The following CDH8 variants were observed in gnomAD, a reference collection of about 807,000 sequenced individuals.
CDH8 encodes the protein cadherin 8, also known as cadherin-8.
A neutral mutation model predicts 68.1 loss-of-function variants in CDH8; 17 were observed. The ratio of observed to expected loss-of-function variants is 0.25; its 90% CI spans 0.17 to 0.37. The LOEUF (loss-of-function observed/expected upper bound fraction) is 0.37. Among genes scored for constraint, CDH8 ranks in the 10% least tolerant of loss-of-function variants. The pLI is 1.00. For missense variants in CDH8, 763 were observed against 999.3 expected (o/e 0.76, Z 3.19); for synonymous variants, 372 against 365.1 (o/e 1.02, Z -0.21).
At chr16:61,917,126 G>A (rs1964252241) in intron 2 of CDH8, among the ~76,000 whole-genome samples, 1 of 150,482 alleles carries the variant, frequency 6.6e-6, no homozygotes, top group African/African-American at 2.4e-5. Context: ...GTCCTTGCAA[G>A]TTGGGAGTAG....
At chr16:61,696,497 T>C (rs1372422828) in intron 10 of CDH8, among the ~76,000 whole-genome samples, 2 of 152,232 alleles carry the variant, frequency 1.3e-5, no homozygotes, top group Admixed American at 6.5e-5. Flanking sequence ...GGAACACTTA[T>C]ATTCTGTTTG....
chr16:61,811,041 A>G (rs1046377892), intron 7 of CDH8, among the ~76,000 whole-genome samples: 11 of 151,446 alleles, frequency 7.3e-5, no homozygotes, highest in Admixed American at 1.3e-4. Context: ...AAAAAAAAAA[A>G]AAGAAGACTA....
At chr16:61,878,614 T>C (rs1427389216) in intron 3 of CDH8, among the ~76,000 whole-genome samples, 1 of 152,200 alleles carries the variant, frequency 6.6e-6, no homozygotes, top group Non-Finnish European at 1.5e-5. Context: ...ATGATGATGA[T>C]AATGATGTTG....
At chr16:61,891,616 C>G (rs1199868450) in intron 3 of CDH8, among the ~76,000 whole-genome samples, 1 of 152,128 alleles carries the variant, frequency 6.6e-6, no homozygotes, top group East Asian at 1.9e-4. Context: ...CTACATATCT[C>G]TAATAGAAGT....
At chr16:61,752,292 T>C (rs1193094393) in intron 8 of CDH8, among the ~76,000 whole-genome samples, 2 of 152,170 alleles carry the variant, frequency 1.3e-5, no homozygotes, top group Non-Finnish European at 2.9e-5. Context: ...AGGGCATGGT[T>C]AATGTCTTGA....
At chr16:61,955,805 A>G (rs774282914) in intron 2 of CDH8, among the ~76,000 whole-genome samples, 1 of 152,134 alleles carries the variant, frequency 6.6e-6, no homozygotes, top group Non-Finnish European at 1.5e-5. Flanking sequence ...GCTTCTGGAA[A>G]ATTCAAAACT....
chr16:61,987,137 T>C (rs548209983), intron 2 of CDH8, among the ~76,000 whole-genome samples: 1 of 152,322 alleles, frequency 6.6e-6, no homozygotes, highest in East Asian at 1.9e-4. Flanking sequence ...TACAGGAGAA[T>C]GTATAAAGTG....
chr16:61,662,810 C>T (rs1210513676), intron 10 of CDH8, among the ~76,000 whole-genome samples: 1 of 151,690 alleles, frequency 6.6e-6, no homozygotes, highest in Non-Finnish European at 1.5e-5. Context: ...ACTTTGTGCA[C>T]CCATGGATTT....
intron 4 of CDH8, among the ~76,000 whole-genome samples, chr16:61,836,744 A>G (rs1962577799): frequency 6.6e-6 from 1 of 151,898 alleles, no homozygotes; most frequent in African/African-American, 2.4e-5. Context: ...AGACTGAGAT[A>G]TATATATATA....
At chr16:61,769,248 T>C (rs1960716351) in intron 8 of CDH8, among the ~76,000 whole-genome samples, 1 of 151,874 alleles carries the variant, frequency 6.6e-6, no homozygotes. Context: ...GACCACTCTT[T>C]GAATATTATG....
intron 7 of CDH8, among the ~76,000 whole-genome samples, chr16:61,791,594 T>C (rs1375410822): frequency 6.6e-6 from 1 of 151,986 alleles, no homozygotes; most frequent in South Asian, 2.1e-4. Context: ...CATCCATGCG[T>C]CAACCAATTT....
chr16:61,904,221 G>T (rs938619033), intron 2 of CDH8, among the ~76,000 whole-genome samples: 1 of 152,162 alleles, frequency 6.6e-6, no homozygotes, highest in East Asian at 1.9e-4. Context: ...AGAGAGCAAC[G>T]TCACCTGAGG....
At chr16:61,683,779 G>T (rs1462442820) in intron 10 of CDH8, among the ~76,000 whole-genome samples, 1 of 151,972 alleles carries the variant, frequency 6.6e-6, no homozygotes, top group Non-Finnish European at 1.5e-5. Flanking sequence ...TGAGCTTCTT[G>T]TTGCTCAATG....
rs184874904 is a variant in CDH8 at position 61,992,746 on chromosome 16, G to C, written c.252+28406C>G. Among the ~76,000 whole-genome samples, 88 of 152,262 alleles carry C rather than the reference G, an allele frequency of 5.8e-4. 1 individual carries two copies. Among genetic ancestry groups the C allele is most frequent in the Admixed American group, 4.1e-3 (62 of 15,290 alleles). The stretch of plus-strand genomic sequence containing the variant: ...CCAGAAAATAAATTCCTTGCCTTCA[G>C]ATAGCTTACCTCCTGGTGTCGAACA... On this transcript the variant is annotated intron_variant, in intron 2 of 11. Transcript: ENST00000577390.
chr16:61,816,714 G>A (rs1962083137), intron 7 of CDH8, among the ~76,000 whole-genome samples: 2 of 151,868 alleles, frequency 1.3e-5, no homozygotes, highest in South Asian at 4.1e-4. Flanking sequence ...TGGAGAACCT[G>A]TACTGTCATT....
chr16:61,722,207 A>G (rs142730241), intron 9 of CDH8, among the ~76,000 whole-genome samples: 283 of 150,892 alleles, frequency 1.9e-3, no homozygotes, highest in Non-Finnish European at 2.8e-3. Flanking sequence ...ATATTTGCAC[A>G]TGCCTATTCT....
intron 10 of CDH8, among the ~76,000 whole-genome samples, chr16:61,666,169 G>A (rs1474219014): frequency 7.1e-6 from 1 of 140,940 alleles, no homozygotes; most frequent in South Asian, 2.2e-4. Context: ...AAAAAACACA[G>A]CACATACTCT....
rs543231566 is a variant in CDH8 at position 61,916,502 on chromosome 16, G to A, written c.253-15029C>T. 2.4e-4 allele frequency among the ~76,000 whole-genome samples: 37 copies of A among 152,268 alleles called. 1 individual carries two copies. In the South Asian group the frequency reaches 6.2e-3, roughly 26 times the overall value. ...TGCACTCCAGCCTGGTCAACAGAGC[G>A]AGATTCCATCTCAAAAAATAAGTAA... On this transcript the variant is annotated intron_variant, in intron 2 of 11. Coordinates refer to ENST00000577390, the MANE Select transcript of CDH8 (RefSeq NM_001796.5).
intron 10 of CDH8, among the ~76,000 whole-genome samples, chr16:61,690,082 T>C (rs1248736151): frequency 6.6e-6 from 1 of 152,052 alleles, no homozygotes; most frequent in Admixed American, 6.6e-5. Context: ...GGAAGTGTGT[T>C]GAACATATGT....
Sources: gnomAD v4.1 joint callset for allele counts (sites outside exome capture counted in the v4.1 genomes callset) on GRCh38, gnomAD v4.1.1 for gene constraint, MANE v1.5 for transcripts, NCBI Gene and HGNC (gene_info 2026-07-23, HGNC 2026-07-21) for gene names.